Variants in ZFAT observed in about 807,000 individuals in gnomAD.
ZFAT encodes the protein zinc finger protein ZFAT.
A neutral mutation model predicts 117.7 loss-of-function variants in ZFAT; 64 were observed. The observed-to-expected ratio is 0.54, with a 90% CI of 0.44 to 0.67. The LOEUF (loss-of-function observed/expected upper bound fraction) is 0.67, where lower values mean the gene tolerates loss of function less well. Among genes scored for constraint, ZFAT ranks in the 30% least tolerant of loss-of-function variants. The pLI, the probability that ZFAT is intolerant of heterozygous loss-of-function variation, is 0.00. For missense variants in ZFAT, 1,433 were observed against 1,584.5 expected (o/e 0.90, Z 1.62); for synonymous variants, 679 against 615.0 (o/e 1.10, Z -1.54).
intron 12 of ZFAT, among the ~76,000 whole-genome samples, chr8:134,523,437 G>A (rs534422452): frequency 1.7e-3 from 260 of 152,224 alleles, no homozygotes; most frequent in African/African-American, 5.2e-3. Context: ...TGTCTCCCAC[G>A]CCTCCTGGCC....
At chr8:134,550,156 T>C (rs1053563564) in intron 11 of ZFAT, among the ~76,000 whole-genome samples, 2 of 152,130 alleles carry the variant, frequency 1.3e-5, no homozygotes, top group African/African-American at 4.8e-5. Context: ...CAAGTCTTCC[T>C]GAAAGTGGAG....
chr8:134,563,228 TCA>T (rs775471988), intron 11 of ZFAT, among the ~76,000 whole-genome samples: 17 of 152,278 alleles, frequency 1.1e-4, no homozygotes, highest in Admixed American at 2.0e-4. Flanking sequence ...CCTAAGAAAC[TCA>T]CAGTCAGTAC....
chr8:134,789,921 C>A, the ZFAT span, among the ~76,000 whole-genome samples: 1 of 152,098 alleles, frequency 6.6e-6, no homozygotes, highest in Non-Finnish European at 1.5e-5. Context: ...GTAAAGTCAT[C>A]GCTTAAGTCT....
In ZFAT at chr8:134,712,947, G is replaced by A; in HGVS notation, c.-84C>T. 1.4e-6 allele frequency: 2 copies of A among 1,390,360 alleles called. No homozygotes were observed. The highest frequency in any genetic ancestry group is 2.8e-5 in the South Asian group (2 of 70,372). 86.1% of individuals were successfully genotyped at this position (1,390,360 alleles called of 1,614,324 possible). A position where few individuals can be genotyped will look rare whatever the true frequency, so the allele number is the denominator to read the frequency against. The stretch of plus-strand genomic sequence containing the variant: ...GCCGACCGAGGGGGCGGGGCGCCCT[G>A]CTGACGCTTCGCTTTTTATTTTTAT... On this transcript the variant is annotated 5_prime_UTR_variant, in exon 1 of 16. Transcript: ENST00000377838.
chr8:134,699,204 G>A (rs775471168), intron 1 of ZFAT, among the ~76,000 whole-genome samples: 2 of 152,100 alleles, frequency 1.3e-5, no homozygotes, highest in Non-Finnish European at 2.9e-5. Flanking sequence ...CCCACCACAA[G>A]GGCAAACAGC....
chr8:134,609,609 A>G (rs962282403), intron 4 of ZFAT, among the ~76,000 whole-genome samples: 3 of 152,228 alleles, frequency 2.0e-5, no homozygotes, highest in Non-Finnish European at 2.9e-5. Flanking sequence ...GAAAATAGGT[A>G]CTTAAAAGGC....
the ZFAT span, among the ~76,000 whole-genome samples, chr8:134,827,172 C>T: frequency 6.6e-6 from 1 of 152,260 alleles, no homozygotes. Context: ...CCACCTTAGC[C>T]CCACAAGTAG....
intron 1 of ZFAT, among the ~76,000 whole-genome samples, chr8:134,670,559 A>G (rs1181629750): frequency 2.0e-5 from 3 of 152,284 alleles, no homozygotes; most frequent in Non-Finnish European, 2.9e-5. Context: ...ACCAATGAGA[A>G]CAAAGACACA....
the ZFAT span, among the ~76,000 whole-genome samples, chr8:134,772,254 G>A: frequency 6.6e-6 from 1 of 152,212 alleles, no homozygotes; most frequent in Non-Finnish European, 1.5e-5. Flanking sequence ...AAGACATATT[G>A]AAAGCTAAGA....
intron 11 of ZFAT, among the ~76,000 whole-genome samples, chr8:134,534,218 T>A (rs1821646902): frequency 6.6e-6 from 1 of 152,250 alleles, no homozygotes; most frequent in African/African-American, 2.4e-5. Flanking sequence ...TGGTATCATA[T>A]AAACTGATAC....
chr8:134,487,142 G>A (rs1415152025), intron 15 of ZFAT, among the ~76,000 whole-genome samples: 5 of 152,148 alleles, frequency 3.3e-5, no homozygotes, highest in Admixed American at 3.3e-4. Flanking sequence ...ATGTACGCAG[G>A]TATGGGCATG....
At chr8:134,590,385 CTT>C in intron 7 of ZFAT, 30 bp from the exon 8 acceptor site, 1 of 1,564,172 alleles carries the variant, frequency 6.4e-7, no homozygotes, top group East Asian at 2.3e-5. Context: ...AATCAGTTGA[CTT>C]TCTCATTTAA....
the ZFAT span, among the ~76,000 whole-genome samples, chr8:134,731,330 G>A: frequency 6.6e-6 from 1 of 152,220 alleles, no homozygotes. Context: ...CCCCAAGTGA[G>A]AAACTACCCA....
At chr8:134,653,419 G>GTTT (rs61711569) in intron 2 of ZFAT, among the ~76,000 whole-genome samples, 720 of 51,328 alleles carry the variant, frequency 0.014, 72 homozygotes, top group Admixed American at 0.015. Context: ...CGTTTTATCT[G>GTTT]TTTTTTTTTT....
chr8:134,680,066 A>T (rs1832997146), intron 1 of ZFAT, among the ~76,000 whole-genome samples: 2 of 151,856 alleles, frequency 1.3e-5, no homozygotes, highest in African/African-American at 4.8e-5. Flanking sequence ...TGTTCTGTAC[A>T]TGTACCCCTG....
intron 15 of ZFAT, among the ~76,000 whole-genome samples, chr8:134,487,502 T>G (rs891559532): frequency 1.3e-5 from 2 of 151,996 alleles, no homozygotes; most frequent in Non-Finnish European, 2.9e-5. Context: ...TGAAGCCAAG[T>G]GAAAAACCTC....
At chr8:134,624,173 T>C (rs1450286123) in intron 3 of ZFAT, among the ~76,000 whole-genome samples, 2 of 120,170 alleles carry the variant, frequency 1.7e-5, no homozygotes, top group Non-Finnish European at 3.5e-5. Context: ...CAGGCACATG[T>C]GCACATGCAC....
intron 15 of ZFAT, among the ~76,000 whole-genome samples, chr8:134,508,650 C>T (rs1336518658): frequency 2.0e-5 from 3 of 152,218 alleles, no homozygotes; most frequent in Non-Finnish European, 4.4e-5. Context: ...CACCATCTGA[C>T]ATCCTTTATG....
At chr8:134,571,409 T>A (rs1466205982) in intron 10 of ZFAT, among the ~76,000 whole-genome samples, 1 of 151,118 alleles carries the variant, frequency 6.6e-6, no homozygotes, top group African/African-American at 2.4e-5. Flanking sequence ...CTCTGTAAGA[T>A]CCCAGGTAAC....
Sources: gnomAD v4.1 joint callset for allele counts (sites outside exome capture counted in the v4.1 genomes callset) on GRCh38, gnomAD v4.1.1 for gene constraint, MANE v1.5 for transcripts, NCBI Gene and HGNC (gene_info 2026-07-23, HGNC 2026-07-21) for gene names.